Variants in TPD52L1 observed in about 807,000 individuals in gnomAD.
The protein encoded by TPD52L1 is tumor protein D53.
TPD52L1 carries 18 observed loss-of-function variants against 28.7 expected under a neutral mutation model. The ratio of observed to expected loss-of-function variants is 0.63; its 90% CI spans 0.43 to 0.93. The LOEUF (loss-of-function observed/expected upper bound fraction) is 0.93, where lower values mean the gene tolerates loss of function less well. TPD52L1 is among the 40% of genes least tolerant of loss of function. TPD52L1 has a pLI of 0.00. For missense variants in TPD52L1, 203 were observed against 254.8 expected (o/e 0.80, Z 1.39); for synonymous variants, 75 against 88.8 (o/e 0.84, Z 0.88).
intron 6 of TPD52L1, among the ~76,000 whole-genome samples, chr6:125,258,327 G>T (rs974435310): frequency 2.0e-5 from 3 of 152,050 alleles, no homozygotes; most frequent in Non-Finnish European, 2.9e-5. Context: ...CAACATCATC[G>T]CTTATTGAGC....
chr6:125,256,281 C>T (rs940196981), intron 5 of TPD52L1, among the ~76,000 whole-genome samples: 3 of 151,756 alleles, frequency 2.0e-5, no homozygotes, highest in Non-Finnish European at 2.9e-5. Flanking sequence ...ACCTGGGAGG[C>T]AGAGGTTGCA....
intron 1 of TPD52L1, among the ~76,000 whole-genome samples, chr6:125,207,246 T>G (rs1794211601): frequency 6.6e-6 from 1 of 152,196 alleles, no homozygotes; most frequent in South Asian, 2.1e-4. Flanking sequence ...GAGATTTCAG[T>G]TCCTGTCAAA....
At chr6:125,242,846 A>G (rs916987136) in intron 3 of TPD52L1, among the ~76,000 whole-genome samples, 2 of 151,960 alleles carry the variant, frequency 1.3e-5, no homozygotes, top group African/African-American at 4.8e-5. Flanking sequence ...GTTGTTGCCT[A>G]AATACTGTTT....
chr6:125,213,086 T>A (rs1024531742), intron 1 of TPD52L1, among the ~76,000 whole-genome samples: 18 of 152,290 alleles, frequency 1.2e-4, no homozygotes, highest in African/African-American at 4.1e-4. Context: ...CAACATTTAT[T>A]TACACTACAG....
intron 1 of TPD52L1, among the ~76,000 whole-genome samples, chr6:125,162,779 C>CT (rs113951694): frequency 6.6e-6 from 1 of 152,194 alleles, no homozygotes; most frequent in African/African-American, 2.4e-5. Flanking sequence ...AAGCAAAGTG[C>CT]TTAAAGCAGG....
At chr6:125,215,841 G>A (rs1157741971) in intron 1 of TPD52L1, among the ~76,000 whole-genome samples, 1 of 152,174 alleles carries the variant, frequency 6.6e-6, no homozygotes, top group Admixed American at 6.5e-5. Flanking sequence ...TTGATGTCTT[G>A]AAAAGTCTAA....
intron 4 of TPD52L1, among the ~76,000 whole-genome samples, chr6:125,248,908 A>C (rs896049920): frequency 3.9e-5 from 6 of 151,932 alleles, no homozygotes; most frequent in African/African-American, 1.5e-4. Flanking sequence ...TTAAATATTT[A>C]TTGCACCTTC....
intron 1 of TPD52L1, among the ~76,000 whole-genome samples, chr6:125,159,019 G>A (rs1025583893): frequency 6.6e-6 from 1 of 152,212 alleles, no homozygotes; most frequent in African/African-American, 2.4e-5. Flanking sequence ...CTGGTGGAGG[G>A]TCTTGCCTGG....
chr6:125,201,598 A>G (rs73573629), intron 1 of TPD52L1, among the ~76,000 whole-genome samples: 1,945 of 152,296 alleles, frequency 0.013, 7 homozygotes, highest in African/African-American at 0.018. Context: ...TGGTTAAAGG[A>G]TCCATTTTTT....
chr6:125,184,229 A>G (rs1295195136), intron 1 of TPD52L1, among the ~76,000 whole-genome samples: 2 of 152,218 alleles, frequency 1.3e-5, no homozygotes, highest in Non-Finnish European at 2.9e-5. Context: ...TCAGGAAGGC[A>G]CTGCCATCAG....
chr6:125,210,217 G>T (rs77757281), intron 1 of TPD52L1, among the ~76,000 whole-genome samples: 1 of 152,140 alleles, frequency 6.6e-6, no homozygotes, highest in Non-Finnish European at 1.5e-5. Context: ...ATAAGTGTTC[G>T]TTAAAAGAAT....
chr6:125,203,891 TCA>T (rs1793949814), intron 1 of TPD52L1: 1 of 693,432 alleles, frequency 1.4e-6, no homozygotes, highest in Non-Finnish European at 1.8e-6. Context: ...TCAATAATAT[TCA>T]CAGTCAAGTA....
At position 125,165,092 on chromosome 6, in the gene TPD52L1, A is replaced by ATATATATATATT; in HGVS notation, c.19+11129_19+11130insATATTTATATAT. 6.9e-4 allele frequency among the ~76,000 whole-genome samples: 72 copies of ATATATATATATT among 104,200 alleles called. 10 individuals carry two copies. The highest frequency in any genetic ancestry group is 3.4e-3 in the African/African-American group (56 of 16,458). 68.4% of individuals were successfully genotyped at this position (104,200 alleles called of 152,430 possible). On this transcript the variant is annotated intron_variant, in intron 1 of 6. Coordinates refer to ENST00000534000, the MANE Select transcript of TPD52L1 (RefSeq NM_003287.4). Reference sequence around the variant, plus strand: ...CCTGTCTCTTAAAAAAAAGATATATATATATATTTTAACTGTATATATATA... The same window carrying ATATATATATATT: ...CCTGTCTCTTAAAAAAAAGATATATATATATATATATTTATATATTTTAACTGTATATATATA...
At chr6:125,194,023 GTTTTTT>G (rs3040726) in intron 1 of TPD52L1, among the ~76,000 whole-genome samples, 1 of 124,072 alleles carries the variant, frequency 8.1e-6, no homozygotes, top group Non-Finnish European at 1.7e-5. Flanking sequence ...CTTCTGAATA[GTTTTTT>G]TTTTTTTTTT....
chr6:125,237,899 A>G (rs1796367952), intron 3 of TPD52L1, among the ~76,000 whole-genome samples: 1 of 152,086 alleles, frequency 6.6e-6, no homozygotes, highest in Non-Finnish European at 1.5e-5. Context: ...ACCTCAGGTG[A>G]TCCACCCTCC....
At chr6:125,192,513 G>C (rs1461396601) in intron 1 of TPD52L1, among the ~76,000 whole-genome samples, 1 of 152,080 alleles carries the variant, frequency 6.6e-6, no homozygotes, top group African/African-American at 2.4e-5. Context: ...GCTGTTGCCA[G>C]AGAGCCCTTG....
chr6:125,194,317 TA>T (rs1195523781), intron 1 of TPD52L1, among the ~76,000 whole-genome samples: 1 of 152,154 alleles, frequency 6.6e-6, no homozygotes, highest in Non-Finnish European at 1.5e-5. Context: ...GTTTAAAGGT[TA>T]AGGCCGTTTA....
At chr6:125,256,703 G>A (rs987241674) in intron 5 of TPD52L1, among the ~76,000 whole-genome samples, 1 of 152,192 alleles carries the variant, frequency 6.6e-6, no homozygotes, top group African/African-American at 2.4e-5. Flanking sequence ...ATTTTCCATT[G>A]CTTACTAAAA....
intron 1 of TPD52L1, among the ~76,000 whole-genome samples, chr6:125,170,633 C>A (rs1180719539): frequency 1.3e-5 from 2 of 152,048 alleles, no homozygotes; most frequent in East Asian, 3.9e-4. Flanking sequence ...CTGGCTACTG[C>A]TATTGCTGTG....
Sources: gnomAD v4.1 joint callset for allele counts (sites outside exome capture counted in the v4.1 genomes callset) on GRCh38, gnomAD v4.1.1 for gene constraint, MANE v1.5 for transcripts, NCBI Gene and HGNC (gene_info 2026-07-23, HGNC 2026-07-21) for gene names.